Variants in SNX29 observed in about 807,000 individuals in gnomAD.
SNX29 encodes sorting nexin-29.
In SNX29, 78 loss-of-function variants were observed where a neutral mutation model predicts 102.1. The ratio of observed to expected loss-of-function variants is 0.76; its 90% CI spans 0.64 to 0.92. The LOEUF is 0.92. SNX29 is among the 40% of genes least tolerant of loss of function. SNX29 has a pLI of 0.00. For synonymous variants in SNX29, 580 were observed against 414.5 expected (o/e 1.40, Z -4.85); for missense variants, 1,280 against 1,061.7 (o/e 1.21, Z -2.86).
In SNX29 at chr16:12,570,802, G is replaced by A. The variant is rs75970447; in HGVS notation, c.*2173G>A. ...ATGCAACAGTCCCCCATTGCTGAGA[G>A]ATACTAACCCGTGAGAAACAAGTAT... On this transcript the variant is annotated 3_prime_UTR_variant, in exon 21 of 21. Transcript: ENST00000566228. 7.7e-5 allele frequency: 18 copies of A among 232,556 alleles called. No individual in the cohort carries two copies. The highest frequency in any genetic ancestry group is 1.4e-4 in the Non-Finnish European group (16 of 117,600). 14.4% of individuals were successfully genotyped at this position (232,556 alleles called of 1,614,324 possible). A position where few individuals can be genotyped will look rare whatever the true frequency, so the allele number is the denominator to read the frequency against.
At chr16:12,130,649 G>T (rs922618926) in intron 13 of SNX29, among the ~76,000 whole-genome samples, 2 of 151,998 alleles carry the variant, frequency 1.3e-5, no homozygotes, top group South Asian at 4.2e-4. Flanking sequence ...CCTAGAGGGG[G>T]TCATTGTTAC....
At chr16:12,303,219 C>T (rs1312148968) in intron 15 of SNX29, among the ~76,000 whole-genome samples, 7 of 152,042 alleles carry the variant, frequency 4.6e-5, no homozygotes, top group African/African-American at 1.7e-4. Context: ...TTAGTTTGAC[C>T]AATATTAAAA....
In SNX29 at chr16:12,129,900, C is replaced by A. The variant is rs1008642923; in HGVS notation, c.1595+142C>A. 69 of 991,484 alleles carry A rather than the reference C, an allele frequency of 7.0e-5. 1 individual carries two copies. In the East Asian group the frequency reaches 7.7e-4, roughly 11 times the overall value. 61.4% of individuals were successfully genotyped at this position (991,484 alleles called of 1,614,324 possible). On this transcript the variant is annotated intron_variant, in intron 13 of 20. Coordinates refer to ENST00000566228, the MANE Select transcript of SNX29 (RefSeq NM_032167.5). ...CGGGTGGATCATAAGGTCAGGAGATCGAGACCATCCTGGCTAACACAGTGA... is the reference window on the plus strand; with the variant it reads ...CGGGTGGATCATAAGGTCAGGAGATAGAGACCATCCTGGCTAACACAGTGA...
At chr16:12,472,544 C>CAAAAAAAAAAAAAAACA (rs568390260) in intron 18 of SNX29, among the ~76,000 whole-genome samples, 3 of 115,624 alleles carry the variant, frequency 2.6e-5, no homozygotes, top group South Asian at 2.9e-4. Context: ...AAAAAAAAAA[C>CAAAAAAAAAAAAAAACA]AAAAAAAAAA....
At chr16:12,549,825 A>C (rs1452109015) in intron 20 of SNX29, among the ~76,000 whole-genome samples, 1 of 152,260 alleles carries the variant, frequency 6.6e-6, no homozygotes, top group Admixed American at 6.5e-5. Context: ...CTGTGTGGCC[A>C]GGCCTTGCCT....
chr16:12,195,073 A>G (rs1480670692), intron 13 of SNX29, among the ~76,000 whole-genome samples: 1 of 152,248 alleles, frequency 6.6e-6, no homozygotes, highest in African/African-American at 2.4e-5. Context: ...CAGTGCAAAT[A>G]TATCCATGTA....
intron 9 of SNX29, among the ~76,000 whole-genome samples, chr16:12,064,077 C>T (rs1385568254): frequency 2.6e-5 from 4 of 152,064 alleles, no homozygotes; most frequent in African/African-American, 9.7e-5. Flanking sequence ...CACCTTGTCC[C>T]GTTCCCCATG....
At chr16:12,445,797 A>C (rs2086020556) in intron 18 of SNX29, among the ~76,000 whole-genome samples, 1 of 152,156 alleles carries the variant, frequency 6.6e-6, no homozygotes, top group Admixed American at 6.5e-5. Flanking sequence ...AGTGCTTTAC[A>C]GATATTAACC....
chr16:12,551,560 G>C (rs891402404), intron 20 of SNX29, among the ~76,000 whole-genome samples: 1 of 152,198 alleles, frequency 6.6e-6, no homozygotes, highest in East Asian at 1.9e-4. Context: ...ATGCAAAGTT[G>C]AGAAGCCCTG....
At chr16:12,007,684 G>A (rs531110592) in intron 3 of SNX29, among the ~76,000 whole-genome samples, 3 of 152,198 alleles carry the variant, frequency 2.0e-5, no homozygotes, top group Admixed American at 6.5e-5. Context: ...CTCCTGGCCC[G>A]CGGTCCCCAT....
intron 11 of SNX29, among the ~76,000 whole-genome samples, chr16:12,123,212 G>A (rs2054053241): frequency 6.6e-6 from 1 of 152,100 alleles, no homozygotes; most frequent in Admixed American, 6.5e-5. Context: ...TCTGTATTTC[G>A]TTATGACTAC....
intron 13 of SNX29, among the ~76,000 whole-genome samples, chr16:12,145,134 A>C (rs73519839): frequency 0.03 from 4,553 of 152,114 alleles, 233 homozygotes; most frequent in African/African-American, 0.11. Context: ...AGATATACAC[A>C]AGTGGGATTC....
chr16:12,427,582 C>T (rs747053227), intron 18 of SNX29, among the ~76,000 whole-genome samples: 37 of 151,942 alleles, frequency 2.4e-4, no homozygotes, highest in African/African-American at 8.5e-4. Context: ...ATTCTCTATT[C>T]GGTTGTTGGT....
intron 11 of SNX29, among the ~76,000 whole-genome samples, chr16:12,122,392 T>G (rs1248724280): frequency 6.6e-6 from 1 of 151,860 alleles, no homozygotes; most frequent in Non-Finnish European, 1.5e-5. Flanking sequence ...GGAGGCTGAG[T>G]CTCTGAGCGG....
In SNX29 at chr16:12,129,741, G is replaced by C; in HGVS notation, c.1578G>C (p.Lys526Asn). The change falls in exon 13 of 21, where the codon AAG (lysine) becomes AAC (asparagine). Residue 526 changes from lysine to asparagine, a missense_variant. Physicochemically the swap from Lys to Asn is moderately conservative, Grantham distance 94 (BLOSUM62 0). Transcript: ENST00000566228. ...AACAGGAGGAGCGGCAGGGCATGAAGGTCCAGGCGCTGGCCAGGTAGGAGA... is the reference window on the plus strand; with the variant it reads ...AACAGGAGGAGCGGCAGGGCATGAACGTCCAGGCGCTGGCCAGGTAGGAGA... ...VAEQEERQGM[K>N]VQALARENEV... The C allele has an allele frequency of 4.4e-6, 7 of 1,608,782 alleles. No individual in the cohort carries two copies. The highest frequency in any genetic ancestry group is 5.9e-6 in the Non-Finnish European group (7 of 1,178,508).
chr16:12,528,770 T>C (rs1239494209), intron 20 of SNX29, among the ~76,000 whole-genome samples: 1 of 152,244 alleles, frequency 6.6e-6, no homozygotes, highest in East Asian at 1.9e-4. Flanking sequence ...ACGTTACTCA[T>C]GATGCATTCG....
chr16:12,199,579 T>TA (rs2076863072), intron 13 of SNX29, 22 bp from the exon 14 acceptor site: 1 of 1,591,410 alleles, frequency 6.3e-7, no homozygotes, highest in African/African-American at 1.4e-5. Flanking sequence ...TATATATTTT[T>TA]TTAACATTCT....
At chr16:12,438,414 C>A (rs1403450856) in intron 18 of SNX29, among the ~76,000 whole-genome samples, 1 of 152,130 alleles carries the variant, frequency 6.6e-6, no homozygotes, top group Non-Finnish European at 1.5e-5. Context: ...GTTTACCTCT[C>A]CCCTTCTTCA....
intron 4 of SNX29, among the ~76,000 whole-genome samples, chr16:12,029,407 A>G (rs2057279399): frequency 7.0e-6 from 1 of 142,144 alleles, no homozygotes; most frequent in Non-Finnish European, 1.6e-5. Flanking sequence ...AGCAAAAATT[A>G]ATGAAAAGTG....
Sources: allele counts gnomAD v4.1 joint callset (sites outside exome capture counted in the v4.1 genomes callset), GRCh38; gene constraint gnomAD v4.1.1; transcripts MANE v1.5; gene names NCBI Gene and HGNC (gene_info 2026-07-23, HGNC 2026-07-21).